DAPK1: variants seen among roughly 807,000 people sequenced by gnomAD.
The protein encoded by DAPK1 is death-associated protein kinase 1.
Under a neutral mutation model 144.9 loss-of-function variants are expected in DAPK1, and 56 were observed. That is an observed-to-expected ratio of 0.39 (90% CI 0.31 to 0.48). The LOEUF is 0.48. Among genes scored for constraint, DAPK1 ranks in the 20% least tolerant of loss-of-function variants. The pLI is 0.95. For synonymous variants in DAPK1, 690 were observed against 749.0 expected (o/e 0.92, Z 1.29); for missense variants, 1,454 against 1,875.4 (o/e 0.78, Z 4.15).
At chr9:87,511,915 C>T (rs7871934) in intron 2 of DAPK1, among the ~76,000 whole-genome samples, 34,371 of 151,746 alleles carry the variant, frequency 0.23, 4,282 homozygotes, top group East Asian at 0.42. Flanking sequence ...TTTCACCATG[C>T]TGGCCAGGCT....
intron 15 of DAPK1, among the ~76,000 whole-genome samples, chr9:87,649,245 A>C (rs1228845968): frequency 1.3e-5 from 2 of 152,194 alleles, no homozygotes; most frequent in African/African-American, 2.4e-5. Context: ...GAACACACAC[A>C]GTCTGGTTTC....
At chr9:87,682,133 A>G (rs1434992209) in intron 20 of DAPK1, among the ~76,000 whole-genome samples, 1 of 152,180 alleles carries the variant, frequency 6.6e-6, no homozygotes. Flanking sequence ...AGGAAGCACC[A>G]TCCTGCTCAG....
chr9:87,511,634 C>G lies in DAPK1; in HGVS notation c.62+12495C>G, dbSNP rs552683349. On this transcript the variant is annotated intron_variant, in intron 2 of 25. Coordinates refer to ENST00000408954, the MANE Select transcript of DAPK1 (RefSeq NM_004938.4). The stretch of plus-strand genomic sequence containing the variant: ...AAATTCGTGTTTTTAATGCAGTGTG[C>G]TTCAGTTCCTGAAAGGTAGATTTTC... Among the ~76,000 whole-genome samples the G allele has an allele frequency of 7.4e-5, 11 of 149,228 alleles. 1 individual carries two copies. The South Asian group carries it at 2.4e-3, about 32-fold the overall frequency.
rs1439661622 is a variant in DAPK1 at position 87,571,482 on chromosome 9, CACACACACACACCCCA to C, written c.63-33459_63-33444del. On this transcript the variant is annotated intron_variant, in intron 2 of 25. Coordinates refer to ENST00000408954, the MANE Select transcript of DAPK1 (RefSeq NM_004938.4). The stretch of plus-strand genomic sequence containing the variant: ...ACACACACACACACACACCAACACA[CACACACACACACCCCA>C]ACACACACACACACACACACACACA... Among the ~76,000 whole-genome samples the C allele has an allele frequency of 3.4e-3, 199 of 59,290 alleles. 6 individuals carry two copies. Among genetic ancestry groups the C allele is most frequent in the African/African-American group, 0.013 (157 of 12,178 alleles). 38.9% of individuals were successfully genotyped at this position (59,290 alleles called of 152,430 possible).
At chr9:87,540,571 T>C (rs956596685) in intron 2 of DAPK1, among the ~76,000 whole-genome samples, 12 of 152,216 alleles carry the variant, frequency 7.9e-5, no homozygotes, top group African/African-American at 2.7e-4. Context: ...ACGTAGTAGA[T>C]ACAGTGTTCA....
chr9:87,583,715 C>T (rs1827833991), intron 2 of DAPK1, among the ~76,000 whole-genome samples: 2 of 152,204 alleles, frequency 1.3e-5, no homozygotes, highest in South Asian at 2.1e-4. Flanking sequence ...ACTAGAAACT[C>T]CACCCAAACC....
Position 87,686,769 on chromosome 9 carries a change from C to T in DAPK1, c.2413+30C>T. ...GCCCTGCCTGCCCCAAGGGAAGGAC[C>T]TCAGGTTTCCCTTCAACAGGGTTGT... On this transcript the variant is annotated intron_variant, in intron 21 of 25. Transcript: ENST00000408954. The surrounding 1 kb of genome is among the most constrained non-coding windows in gnomAD (Gnocchi z 4.2). 6.5e-7 allele frequency: 1 copy of T among 1,533,850 alleles called. No homozygotes were observed. The highest frequency in any genetic ancestry group is 1.4e-5 in the African/African-American group (1 of 73,554).
chr9:87,706,100 C>G lies in DAPK1; in HGVS notation c.3061-32C>G. 6.5e-7 allele frequency: 1 copy of G among 1,546,744 alleles called. No individual in the cohort carries two copies. The highest frequency in any genetic ancestry group is 8.8e-7 in the Non-Finnish European group (1 of 1,135,344). The stretch of plus-strand genomic sequence containing the variant: ...TGGTGCACCTGGCCAGGGCTCTGTC[C>G]CTAAGCGTGACTTTCTGTTGTCCCC... On this transcript the variant is annotated intron_variant, in intron 25 of 25. Coordinates refer to ENST00000408954, the MANE Select transcript of DAPK1 (RefSeq NM_004938.4). This position sits in a 1 kb window ranked among gnomAD's most constrained non-coding sequence, Gnocchi z 9.0.
intron 4 of DAPK1, among the ~76,000 whole-genome samples, chr9:87,639,119 A>G (rs537921584): frequency 6.6e-6 from 1 of 152,044 alleles, no homozygotes; most frequent in South Asian, 2.1e-4. Flanking sequence ...TTTCTCTACC[A>G]AGTGTTTCCT....
chr9:87,597,174 T>TA (rs1256929598), intron 2 of DAPK1, among the ~76,000 whole-genome samples: 3 of 152,204 alleles, frequency 2.0e-5, no homozygotes, highest in Non-Finnish European at 4.4e-5. Flanking sequence ...TTAGCCAAGT[T>TA]ACTGGTGCCT....
chr9:87,534,650 CTT>C (rs546312068), intron 2 of DAPK1, among the ~76,000 whole-genome samples: 2 of 145,372 alleles, frequency 1.4e-5, no homozygotes. Context: ...GATTTCTTTT[CTT>C]TTTTTTTTTT....
chr9:87,512,268 A>C (rs1044063826), intron 2 of DAPK1, among the ~76,000 whole-genome samples: 3 of 149,674 alleles, frequency 2.0e-5, no homozygotes, highest in African/African-American at 7.4e-5. Flanking sequence ...GAATTTGATT[A>C]GGGATACAAA....
Position 87,686,595 on chromosome 9 carries a change from A to G in DAPK1, c.2269A>G (p.Ser757Gly). The change falls in exon 21 of 26, where the codon AGT becomes GGT. Residue 757 changes from serine to glycine, a missense_variant. Physicochemically the swap from Ser to Gly is moderately conservative, Grantham distance 56 (BLOSUM62 0). Transcript: ENST00000408954. The surrounding 1 kb of genome is among the most constrained non-coding windows in gnomAD (Gnocchi z 4.2). Reference sequence around the variant, plus strand: ...CCTGTACCCAGGCTGCGAGAACGTGAGTGTGAGGAGCCGCAGCATGATGTT... The same window carrying G: ...CCTGTACCCAGGCTGCGAGAACGTGGGTGTGAGGAGCCGCAGCATGATGTT... Reference protein sequence around the residue: ...NNLYPGCENVSVRSRSMMFEP... With the variant: ...NNLYPGCENVGVRSRSMMFEP... 1 of 1,599,588 alleles carries G rather than the reference A, an allele frequency of 6.3e-7. No individual in the cohort carries two copies.
At chr9:87,666,759 C>T (rs1464734569) in intron 18 of DAPK1, among the ~76,000 whole-genome samples, 2 of 152,122 alleles carry the variant, frequency 1.3e-5, no homozygotes, top group African/African-American at 4.8e-5. Context: ...CAGGCATGAG[C>T]CACCATGCCT....
At chr9:87,701,748 G>C in intron 24 of DAPK1, 1 of 300,488 alleles carries the variant, frequency 3.3e-6, no homozygotes, top group Non-Finnish European at 7.2e-6. Context: ...TAACTGCTTT[G>C]CTAATAAGAA....
In DAPK1 at chr9:87,641,078, G is replaced by A. The variant is rs577926232; in HGVS notation, c.828+231G>A. On this transcript the variant is annotated intron_variant, in intron 9 of 25. Coordinates refer to ENST00000408954, the MANE Select transcript of DAPK1 (RefSeq NM_004938.4). ...CAGAGCAGGAACTGAAGAAGGTCAA[G>A]CCCACTCGACAACTGTGTTTGGAGT... Among the ~76,000 whole-genome samples, 3 of 152,316 alleles carry A rather than the reference G, an allele frequency of 2.0e-5. No homozygotes were observed. The South Asian group carries it at 6.2e-4, about 32-fold the overall frequency.
Position 87,641,170 on chromosome 9 carries a change from A to T in DAPK1, c.828+323A>T, listed in dbSNP as rs527326094. Among the ~76,000 whole-genome samples, 6 of 152,322 alleles carry T rather than the reference A, an allele frequency of 3.9e-5. No homozygotes were observed. The South Asian group carries it at 1.2e-3, about 32-fold the overall frequency. ...ATGTTGATTCCAGCATGTAAATATCAATCAAATCTGGATTTCCAGCTTCTC... is the reference window on the plus strand; with the variant it reads ...ATGTTGATTCCAGCATGTAAATATCTATCAAATCTGGATTTCCAGCTTCTC... On this transcript the variant is annotated intron_variant, in intron 9 of 25. Transcript: ENST00000408954.
chr9:87,583,594 C>G (rs1246560234), intron 2 of DAPK1, among the ~76,000 whole-genome samples: 1 of 152,212 alleles, frequency 6.6e-6, no homozygotes, highest in East Asian at 1.9e-4. Flanking sequence ...CAGTGAAAAT[C>G]TAAGCTTGCG....
At chr9:87,558,040 C>G (rs543562539) in intron 2 of DAPK1, among the ~76,000 whole-genome samples, 23 of 152,330 alleles carry the variant, frequency 1.5e-4, no homozygotes, top group African/African-American at 5.5e-4. Flanking sequence ...CCTTCTTTTA[C>G]TTGCTCAGCC....
Sources: gnomAD v4.1 joint callset for allele counts (sites outside exome capture counted in the v4.1 genomes callset) on GRCh38, gnomAD v4.1.1 for gene constraint, Gnocchi (gnomAD v3.1) non-coding constraint, MANE v1.5 for transcripts, NCBI Gene and HGNC (gene_info 2026-07-23, HGNC 2026-07-21) for gene names.